The following NBEA variants were observed in gnomAD, a reference collection of about 807,000 sequenced individuals.
NBEA encodes the protein neurobeachin.
In NBEA, 44 loss-of-function variants were observed where a neutral mutation model predicts 343.4. The observed-to-expected ratio is 0.13, with a 90% CI of 0.10 to 0.16. The LOEUF (loss-of-function observed/expected upper bound fraction) is 0.16. NBEA is among the 10% of genes least tolerant of loss of function. The pLI, the probability that NBEA is intolerant of heterozygous loss-of-function variation, is 1.00. For synonymous variants in NBEA, 1,175 were observed against 1,238.7 expected (o/e 0.95, Z 1.08); for missense variants, 2,555 against 3,631.3 (o/e 0.70, Z 7.62).
intron 38 of NBEA, among the ~76,000 whole-genome samples, chr13:35,393,968 T>C (rs1721223071): frequency 6.6e-6 from 1 of 152,110 alleles, no homozygotes; most frequent in Non-Finnish European, 1.5e-5. Flanking sequence ...AGCTGTATCC[T>C]AGAGATCAAC....
At chr13:34,993,820 T>C (rs1396909194) in intron 1 of NBEA, among the ~76,000 whole-genome samples, 7 of 152,222 alleles carry the variant, frequency 4.6e-5, no homozygotes, top group South Asian at 2.1e-4. Flanking sequence ...TACATTTTTT[T>C]CCCTATTTTA....
Position 35,452,036 on chromosome 13 carries a change from A to C in NBEA, c.6305-56A>C. The C allele has an allele frequency of 3.2e-6, 4 of 1,246,670 alleles. No individual in the cohort carries two copies. In the South Asian group the frequency reaches 5.2e-5, roughly 16 times the overall value. 77.2% of individuals were successfully genotyped at this position (1,246,670 alleles called of 1,614,324 possible). A position where few individuals can be genotyped will look rare whatever the true frequency, so the allele number is the denominator to read the frequency against. On this transcript the variant is annotated intron_variant, in intron 39 of 58. Transcript: ENST00000379939. Reference sequence around the variant, plus strand: ...AAGCAATCAATTATTTATAATACCTACTATAAGCAGAAACAATCATAATAA... The same window carrying C: ...AAGCAATCAATTATTTATAATACCTCCTATAAGCAGAAACAATCATAATAA...
In NBEA at chr13:35,040,914, T is replaced by C; in HGVS notation, c.295-19T>C. The C allele has an allele frequency of 6.3e-7, 1 of 1,595,588 alleles. No individual in the cohort carries two copies. Among genetic ancestry groups the C allele is most frequent in the Non-Finnish European group, 8.6e-7 (1 of 1,163,586 alleles). ...AACCTCCCATGTTAACACTATTGTT[T>C]CTTTCTGTTTACTTTCAGCTGGTTG... On this transcript the variant is annotated intron_variant, in intron 1 of 58. Transcript: ENST00000379939.
chr13:35,062,877 G>A (rs2063515483), intron 8 of NBEA, among the ~76,000 whole-genome samples: 1 of 151,928 alleles, frequency 6.6e-6, no homozygotes, highest in Non-Finnish European at 1.5e-5. Flanking sequence ...CTAACAGAAA[G>A]ATTTGTGGAG....
chr13:35,206,492 A>G lies in NBEA; in HGVS notation c.5367-2208A>G, dbSNP rs573362209. On this transcript the variant is annotated intron_variant, in intron 31 of 58. Coordinates refer to ENST00000379939, the MANE Select transcript of NBEA (RefSeq NM_001385012.1). ...TGATGGTTTTGTTTTCTTGCTGGAGAGTCAATGAAATAGTACATCTCACAT... is the reference window on the plus strand; with the variant it reads ...TGATGGTTTTGTTTTCTTGCTGGAGGGTCAATGAAATAGTACATCTCACAT... 9.2e-5 allele frequency among the ~76,000 whole-genome samples: 14 copies of G among 152,258 alleles called. No individual in the cohort carries two copies. In the South Asian group the frequency reaches 2.7e-3, roughly 29 times the overall value.
intron 13 of NBEA, among the ~76,000 whole-genome samples, chr13:35,115,617 A>G (rs2066455775): frequency 6.6e-6 from 1 of 152,112 alleles, no homozygotes; most frequent in Non-Finnish European, 1.5e-5. Context: ...TTGTTTCTTC[A>G]TTCAATTTTA....
In NBEA at chr13:35,391,287, AAAG is replaced by A. The variant is rs538915476; in HGVS notation, c.6179+38978_6179+38980del. 2.8e-3 allele frequency among the ~76,000 whole-genome samples: 428 copies of A among 151,846 alleles called. 2 individuals carry two copies. The highest frequency in any genetic ancestry group is 8.6e-3 in the African/African-American group (356 of 41,466). ...CAGACTTGATCTCAAAAAAAAAAAAAAAGAAGAAGAAGAAGAGGGCCATATAGC... is the reference window on the plus strand; with the variant it reads ...CAGACTTGATCTCAAAAAAAAAAAAAAAGAAGAAGAAGAGGGCCATATAGC... On this transcript the variant is annotated intron_variant, in intron 38 of 58. Transcript: ENST00000379939.
At chr13:35,453,532 G>C (rs1245988334) in intron 40 of NBEA, among the ~76,000 whole-genome samples, 1 of 152,120 alleles carries the variant, frequency 6.6e-6, no homozygotes, top group Admixed American at 6.5e-5. Flanking sequence ...CCACAGATGT[G>C]TTTTCTTTTC....
intron 48 of NBEA, among the ~76,000 whole-genome samples, chr13:35,625,508 C>A (rs1385803172): frequency 6.6e-6 from 1 of 151,958 alleles, no homozygotes; most frequent in African/African-American, 2.4e-5. Flanking sequence ...GTAGTCCCAC[C>A]CAGCTACTCG....
Position 35,445,782 on chromosome 13 carries a change from TTATATATATATATATA to T in NBEA, c.6305-6290_6305-6275del, listed in dbSNP as rs71081255. Among the ~76,000 whole-genome samples, 52 of 113,236 alleles carry T rather than the reference TTATATATATATATATA, an allele frequency of 4.6e-4. No individual in the cohort carries two copies. In the Admixed American group the frequency reaches 4.8e-3, roughly 10 times the overall value. 74.3% of individuals were successfully genotyped at this position (113,236 alleles called of 152,430 possible). ...TGACTTAATTCTAAGATATAAATGT[TTATATATATATATATA>T]TATATATATATATATATATGTATAT... On this transcript the variant is annotated intron_variant, in intron 39 of 58. Transcript: ENST00000379939.
At chr13:35,287,399 GTT>G (rs1032236409) in intron 34 of NBEA, among the ~76,000 whole-genome samples, 2 of 151,814 alleles carry the variant, frequency 1.3e-5, no homozygotes, top group South Asian at 2.1e-4. Flanking sequence ...CATTTCTCCC[GTT>G]TTATAACTTG....
intron 41 of NBEA, among the ~76,000 whole-genome samples, chr13:35,492,435 A>C (rs1404844627): frequency 1.3e-5 from 2 of 151,930 alleles, no homozygotes; most frequent in African/African-American, 4.8e-5. Context: ...ATTTGAACAT[A>C]TTTAGGGCAT....
chr13:35,001,289 C>A (rs537357730), intron 1 of NBEA, among the ~76,000 whole-genome samples: 3 of 152,142 alleles, frequency 2.0e-5, no homozygotes, highest in African/African-American at 7.2e-5. Context: ...GAAAATAGAA[C>A]TACCATATGA....
At chr13:35,489,410 A>G (rs1278168761) in intron 41 of NBEA, among the ~76,000 whole-genome samples, 1 of 151,870 alleles carries the variant, frequency 6.6e-6, no homozygotes, top group Non-Finnish European at 1.5e-5. Flanking sequence ...ACCCAAGTGC[A>G]TTCTGCTGGG....
chr13:35,187,987 C>G (rs960387977), intron 30 of NBEA, among the ~76,000 whole-genome samples: 1 of 152,076 alleles, frequency 6.6e-6, no homozygotes, highest in South Asian at 2.1e-4. Flanking sequence ...AGGTCACCTC[C>G]TCCGAGAGGC....
At chr13:35,449,992 G>C (rs1395538765) in intron 39 of NBEA, among the ~76,000 whole-genome samples, 1 of 152,188 alleles carries the variant, frequency 6.6e-6, no homozygotes, top group East Asian at 1.9e-4. Context: ...TAATGGTATT[G>C]TGATGTGACT....
chr13:35,273,385 C>T (rs796335941), intron 34 of NBEA, among the ~76,000 whole-genome samples: 2 of 152,038 alleles, frequency 1.3e-5, no homozygotes, highest in African/African-American at 4.8e-5. Flanking sequence ...GCACTAAATG[C>T]CCACAAGAGA....
intron 38 of NBEA, among the ~76,000 whole-genome samples, chr13:35,387,053 G>T (rs543525037): frequency 6.6e-6 from 1 of 151,926 alleles, no homozygotes; most frequent in Non-Finnish European, 1.5e-5. Context: ...ATATTAGATT[G>T]GTTTATAAGA....
At chr13:35,119,499 G>A (rs926926166) in intron 16 of NBEA, among the ~76,000 whole-genome samples, 5 of 152,134 alleles carry the variant, frequency 3.3e-5, no homozygotes, top group African/African-American at 9.7e-5. Flanking sequence ...TGTGATATGA[G>A]TATTACCTTT....
Sources: allele counts gnomAD v4.1 joint callset (sites outside exome capture counted in the v4.1 genomes callset), GRCh38; gene constraint gnomAD v4.1.1; transcripts MANE v1.5; gene names NCBI Gene and HGNC (gene_info 2026-07-23, HGNC 2026-07-21).